The following P2RX1 variants were observed in gnomAD, a reference collection of about 807,000 sequenced individuals.
P2RX1 encodes the protein purinergic receptor P2X 1.
A neutral mutation model predicts 50.3 loss-of-function variants in P2RX1; 42 were observed. That is an observed-to-expected ratio of 0.83 (90% CI 0.65 to 1.08). P2RX1 has a LOEUF of 1.08. P2RX1 is among the 50% of genes least tolerant of loss of function. The pLI, the probability that P2RX1 is intolerant of heterozygous loss-of-function variation, is 0.00. For synonymous variants in P2RX1, 199 were observed against 202.6 expected, an observed-to-expected ratio of 0.98 and a Z score of 0.15; for missense variants, 449 against 529.0, an observed-to-expected ratio of 0.85 and a Z score of 1.48.
At chr17:3,900,144 C>T (rs1221165278) in intron 7 of P2RX1, among the ~76,000 whole-genome samples, 1 of 149,800 alleles carries the variant, frequency 6.7e-6, no homozygotes, top group Non-Finnish European at 1.5e-5. Context: ...CTGGTACACG[C>T]ACTCTCTCAA....
intron 1 of P2RX1, among the ~76,000 whole-genome samples, chr17:3,909,970 CTTTTTT>C (rs751349796): frequency 1.9e-5 from 2 of 107,422 alleles, no homozygotes; most frequent in Admixed American, 1.1e-4. Flanking sequence ...CTGATAAATT[CTTTTTT>C]TTTTTTTTTT....
Position 3,899,763 on chromosome 17 carries a change from T to C in P2RX1, c.748-2A>G, listed in dbSNP as rs761028117. The C allele has an allele frequency of 6.2e-7, 1 of 1,613,310 alleles. No homozygotes were observed. Among genetic ancestry groups the C allele is most frequent in the South Asian group, 1.1e-5 (1 of 91,062 alleles). On this transcript the variant is annotated splice_acceptor_variant, in intron 7 of 11. Transcript: ENST00000225538. LOFTEE classifies it high-confidence loss of function. ...GATGGTGATGCCAACCACTCCACCC[T>C]GCCAGGGACACAAGTAGTTAAGATC...
intron 1 of P2RX1, chr17:3,915,634 C>A: frequency 2.2e-6 from 1 of 458,250 alleles, no homozygotes; most frequent in Non-Finnish European, 4.4e-6. Flanking sequence ...CCTGGATGTC[C>A]CTTGCTCAGG....
chr17:3,913,889 C>T (rs953568467), intron 1 of P2RX1, among the ~76,000 whole-genome samples: 1 of 152,240 alleles, frequency 6.6e-6, no homozygotes, highest in African/African-American at 2.4e-5. Context: ...CAACCCGTGC[C>T]CCACGGGCCG....
intron 1 of P2RX1, chr17:3,915,312 C>T (rs2056429929): frequency 2.6e-6 from 1 of 382,294 alleles, no homozygotes. Context: ...ATAAGGGTAC[C>T]CACATGTGGG....
At chr17:3,912,021 G>A (rs902005858) in intron 1 of P2RX1, among the ~76,000 whole-genome samples, 2 of 152,234 alleles carry the variant, frequency 1.3e-5, no homozygotes, top group Non-Finnish European at 2.9e-5. Context: ...GGCTAAACTG[G>A]TGAGATGTTA....
At chr17:3,915,181 G>A (rs1302341792) in intron 1 of P2RX1, among the ~76,000 whole-genome samples, 1 of 152,218 alleles carries the variant, frequency 6.6e-6, no homozygotes, top group Non-Finnish European at 1.5e-5. Context: ...TGGCCCTGGG[G>A]CCTCCAGGAG....
chr17:3,909,410 C>T (rs759327090), intron 1 of P2RX1, among the ~76,000 whole-genome samples: 74 of 152,324 alleles, frequency 4.9e-4, no homozygotes, highest in Admixed American at 7.8e-4. Flanking sequence ...TTTCACTGTT[C>T]TCCGTTCCTC....
chr17:3,913,860 T>TG (rs11410901), intron 1 of P2RX1, among the ~76,000 whole-genome samples: 71,219 of 144,156 alleles, frequency 0.49, 17,092 homozygotes, highest in East Asian at 0.68. Flanking sequence ...AGTGCACTCT[T>TG]GGGGGGGGTG....
rs1356746747 is a variant in P2RX1, at chr17:3,914,559, C to T, written c.137+1530G>A. Among the ~76,000 whole-genome samples, 4 of 152,292 alleles carry T rather than the reference C, an allele frequency of 2.6e-5. No homozygotes were observed. The East Asian group carries it at 5.8e-4, about 22-fold the overall frequency. Reference sequence around the variant, plus strand: ...AGAGAGAGGACAGCCTTCCCCCAGCCTCTTCCAGCAAGGGTAGGCTGGGCC... The same window carrying T: ...AGAGAGAGGACAGCCTTCCCCCAGCTTCTTCCAGCAAGGGTAGGCTGGGCC... On this transcript the variant is annotated intron_variant, in intron 1 of 11. Coordinates refer to ENST00000225538, the MANE Select transcript of P2RX1 (RefSeq NM_002558.4). The surrounding 1 kb of genome is among the most constrained non-coding windows in gnomAD (Gnocchi z 4.1).
chr17:3,910,326 A>G (rs2056341778), intron 1 of P2RX1, among the ~76,000 whole-genome samples: 1 of 152,138 alleles, frequency 6.6e-6, no homozygotes, highest in Non-Finnish European at 1.5e-5. Context: ...CAGAAATTCA[A>G]TTGGATCAAC....
chr17:3,915,364 A>T (rs749600847), intron 1 of P2RX1: 19 of 432,674 alleles, frequency 4.4e-5, no homozygotes, highest in South Asian at 3.1e-4. Flanking sequence ...ATATAGGCAC[A>T]GAGCTCCATA....
At chr17:3,915,910 T>C (rs758941903) in intron 1 of P2RX1, 179 bp downstream of exon 1, 4 of 800,438 alleles carry the variant, frequency 5.0e-6, no homozygotes, top group Non-Finnish European at 6.3e-6. Context: ...TCCGGCCTCG[T>C]CCCCATCTCA....
At chr17:3,913,013 G>A (rs185447794) in intron 1 of P2RX1, among the ~76,000 whole-genome samples, 2 of 152,196 alleles carry the variant, frequency 1.3e-5, no homozygotes, top group Non-Finnish European at 2.9e-5. Context: ...GCTTATGGCT[G>A]GTTCCATCAG....
chr17:3,903,459 G>T lies in P2RX1; in HGVS notation c.605+92C>A. On this transcript the variant is annotated intron_variant, in intron 6 of 11. Transcript: ENST00000225538. This position sits in a 1 kb window ranked among gnomAD's most constrained non-coding sequence, Gnocchi z 4.6. ...ACATTGCCCCTTTGATTCCTTCCAC[G>T]CCAGCAGGAATGGAGGGAGACAGAG... is the stretch of plus-strand genomic sequence containing the variant. The T allele has an allele frequency of 6.3e-7, 1 of 1,582,006 alleles. No homozygotes were observed. The highest frequency in any genetic ancestry group is 2.2e-5 in the East Asian group (1 of 44,658).
intron 1 of P2RX1, among the ~76,000 whole-genome samples, chr17:3,912,503 G>A (rs2056383064): frequency 6.6e-6 from 1 of 151,730 alleles, no homozygotes; most frequent in South Asian, 2.1e-4. Flanking sequence ...GCTAATTTTT[G>A]TATTTTTAGT....
At position 3,904,889 on chromosome 17, in the gene P2RX1, G is replaced by T. The variant is rs1383230064; in HGVS notation, c.326C>A (p.Thr109Asn). ...GCAGTAGCCTTGAGTCTGCTTCGGGGTCACGATGAAATTGGTCATGACCAC... is the reference window on the plus strand; with the variant it reads ...GCAGTAGCCTTGAGTCTGCTTCGGGTTCACGATGAAATTGGTCATGACCAC... ...SFVVMTNFIV[T>N]PKQTQGYCAE... The change falls in exon 3 of 12, where the codon ACC (threonine) becomes AAC (asparagine). Residue 109 changes from threonine (T) to asparagine (N), a missense_variant. By Grantham distance (65) the Thr-to-Asn change is moderately conservative. Transcript: ENST00000225538. 1 of 1,518,936 alleles carries T rather than the reference G, an allele frequency of 6.6e-7. No individual in the cohort carries two copies. Among genetic ancestry groups the T allele is most frequent in the Non-Finnish European group, 8.9e-7 (1 of 1,124,702 alleles). 94.1% of individuals were successfully genotyped at this position (1,518,936 alleles called of 1,614,324 possible).
chr17:3,912,332 T>G (rs553522905), intron 1 of P2RX1, among the ~76,000 whole-genome samples: 31 of 145,158 alleles, frequency 2.1e-4, no homozygotes, highest in African/African-American at 7.6e-4. Flanking sequence ...TTTGTTTGTT[T>G]TTTTATTTTT....
intron 1 of P2RX1, 93 bp from the exon 2 acceptor site, chr17:3,905,460 G>T: frequency 1.4e-6 from 2 of 1,395,396 alleles, no homozygotes; most frequent in Non-Finnish European, 1.0e-6. Context: ...GTGCCTCTGA[G>T]CCACCATCTG....
Sources: gnomAD v4.1 joint callset for allele counts (sites outside exome capture counted in the v4.1 genomes callset) on GRCh38, gnomAD v4.1.1 for gene constraint, Gnocchi (gnomAD v3.1) non-coding constraint, MANE v1.5 for transcripts, NCBI Gene and HGNC (gene_info 2026-07-23, HGNC 2026-07-21) for gene names.